The following PPP2R5A variants were observed in gnomAD, a reference collection of about 807,000 sequenced individuals.
PPP2R5A encodes serine/threonine-protein phosphatase 2A 56 kDa regulatory subunit alpha isoform.
A neutral mutation model predicts 64.2 loss-of-function variants in PPP2R5A; 25 were observed. The ratio of observed to expected loss-of-function variants is 0.39; its 90% CI spans 0.28 to 0.54. The LOEUF is 0.54. Among genes scored for constraint, PPP2R5A ranks in the 20% least tolerant of loss-of-function variants. The probability of loss-of-function intolerance (pLI) is 0.67; values close to 1 mark genes in which losing one functional copy is unlikely to be tolerated. For synonymous variants in PPP2R5A, 198 were observed against 201.2 expected (o/e 0.98, Z 0.13); for missense variants, 425 against 576.3 (o/e 0.74, Z 2.69).
chr1:212,309,805 G>A (rs113237134), intron 1 of PPP2R5A, among the ~76,000 whole-genome samples: 13,845 of 151,880 alleles, frequency 0.091, 2,058 homozygotes, highest in African/African-American at 0.31. Context: ...TAACACTAAC[G>A]ATAGCTGACG....
At chr1:212,322,265 G>GGAGGGAGAGGTAGAGGGAGAGGAGGGA (rs1659319260) in intron 1 of PPP2R5A, among the ~76,000 whole-genome samples, 1 of 85,280 alleles carries the variant, frequency 1.2e-5, no homozygotes, top group Non-Finnish European at 2.3e-5. Context: ...GAGAGGGAGA[G>GGAGGGAGAGGTAGAGGGAGAGGAGGGA]GAGGGAGAGG....
In PPP2R5A at chr1:212,343,552, G is replaced by T. The variant is rs536517721; in HGVS notation, c.573+1272G>T. ...CTGTTGCTGTGAAGGATTGATAAATGAAGAACATTGTCAGCCTAAAATATT... is the reference window on the plus strand; with the variant it reads ...CTGTTGCTGTGAAGGATTGATAAATTAAGAACATTGTCAGCCTAAAATATT... On this transcript the variant is annotated intron_variant, in intron 4 of 12. Transcript: ENST00000261461. Among the ~76,000 whole-genome samples the T allele has an allele frequency of 2.0e-5, 3 of 152,308 alleles. No individual in the cohort carries two copies. In the East Asian group the frequency reaches 5.8e-4, roughly 29 times the overall value.
chr1:212,337,152 TGTAGTATTACATG>T (rs1400372707), intron 3 of PPP2R5A, among the ~76,000 whole-genome samples: 1 of 152,210 alleles, frequency 6.6e-6, no homozygotes, highest in African/African-American at 2.4e-5. Flanking sequence ...ATTTATTAAG[TGTAGTATTACATG>T]GTAACTTAAT....
chr1:212,296,216 G>A (rs1175401299), intron 1 of PPP2R5A, among the ~76,000 whole-genome samples: 1 of 152,026 alleles, frequency 6.6e-6, no homozygotes, highest in Non-Finnish European at 1.5e-5. Flanking sequence ...ACCGAGAAAG[G>A]AGTACACTGG....
intron 3 of PPP2R5A, among the ~76,000 whole-genome samples, chr1:212,337,106 G>A (rs1659604309): frequency 6.6e-6 from 1 of 152,166 alleles, no homozygotes; most frequent in Non-Finnish European, 1.5e-5. Flanking sequence ...CACAAGGAAG[G>A]TCATTTCAGT....
intron 2 of PPP2R5A, among the ~76,000 whole-genome samples, chr1:212,332,688 G>A (rs1003889509): frequency 6.6e-6 from 1 of 152,036 alleles, no homozygotes; most frequent in Non-Finnish European, 1.5e-5. Flanking sequence ...CTCTTCCTTA[G>A]TGTGGTATGT....
intron 8 of PPP2R5A, among the ~76,000 whole-genome samples, chr1:212,354,035 T>C (rs973533814): frequency 6.6e-6 from 1 of 151,848 alleles, no homozygotes; most frequent in Non-Finnish European, 1.5e-5. Context: ...ATACAAAAAA[T>C]TAGCTGAGCC....
At chr1:212,298,668 A>G (rs1175338124) in intron 1 of PPP2R5A, among the ~76,000 whole-genome samples, 1 of 3,138 alleles carries the variant, frequency 3.2e-4, no homozygotes, top group Non-Finnish European at 6.2e-4. Flanking sequence ...GGCGCCCCTC[A>G]CCTCCCGGAC....
intron 8 of PPP2R5A, 146 bp from the exon 9 acceptor site, chr1:212,356,480 C>A: frequency 4.3e-6 from 3 of 704,910 alleles, no homozygotes; most frequent in Non-Finnish European, 6.6e-6. Context: ...AATTCTAAAG[C>A]TGAGCAGAAA....
chr1:212,313,020 C>T (rs986987489), intron 1 of PPP2R5A, among the ~76,000 whole-genome samples: 3 of 152,188 alleles, frequency 2.0e-5, no homozygotes, highest in African/African-American at 7.2e-5. Flanking sequence ...TAGTTGCCTT[C>T]TGTTTAGTAC....
rs180899081 is a variant in PPP2R5A, at chr1:212,290,884, T to A, written c.181+4593T>A. ...GCCATTTTCACCTGCAAGAATAACA[T>A]TTTTCTCTTGATAAAATAACAAAGA... is the stretch of plus-strand genomic sequence containing the variant. On this transcript the variant is annotated intron_variant, in intron 1 of 12. Coordinates refer to ENST00000261461, the MANE Select transcript of PPP2R5A (RefSeq NM_006243.4). Among the ~76,000 whole-genome samples, 70 of 152,330 alleles carry A rather than the reference T, an allele frequency of 4.6e-4. 1 individual carries two copies. Among genetic ancestry groups the A allele is most frequent in the African/African-American group, 1.6e-3 (67 of 41,584 alleles).
At chr1:212,293,910 TAATA>T (rs1439117276) in intron 1 of PPP2R5A, among the ~76,000 whole-genome samples, 6 of 152,226 alleles carry the variant, frequency 3.9e-5, no homozygotes, top group African/African-American at 1.4e-4. Context: ...CTTGTTATTC[TAATA>T]AATATCTTGC....
intron 7 of PPP2R5A, among the ~76,000 whole-genome samples, 195 bp from the exon 8 acceptor site, chr1:212,348,994 A>G (rs1659830265): frequency 6.6e-6 from 1 of 152,194 alleles, no homozygotes; most frequent in Admixed American, 6.5e-5. Context: ...TTTCAAGGCT[A>G]AAAAGTTACA....
intron 2 of PPP2R5A, 127 bp downstream of exon 2, chr1:212,329,458 T>A (rs1331280099): frequency 5.1e-6 from 4 of 788,844 alleles, no homozygotes; most frequent in Non-Finnish European, 7.7e-6. Context: ...AGAAAATAGT[T>A]CATACCCCAT....
intron 5 of PPP2R5A, among the ~76,000 whole-genome samples, chr1:212,346,771 C>T (rs1659783353): frequency 6.6e-6 from 1 of 152,122 alleles, no homozygotes; most frequent in African/African-American, 2.4e-5. Flanking sequence ...GGTTACTATT[C>T]CCACATTGCA....
intron 12 of PPP2R5A, among the ~76,000 whole-genome samples, chr1:212,360,245 T>C (rs1489532184): frequency 2.0e-5 from 3 of 152,178 alleles, no homozygotes; most frequent in Admixed American, 2.0e-4. Flanking sequence ...CTGTCTGGTG[T>C]GGTGAAGGAA....
At chr1:212,312,975 CATAA>C (rs1167757432) in intron 1 of PPP2R5A, among the ~76,000 whole-genome samples, 6 of 152,200 alleles carry the variant, frequency 3.9e-5, no homozygotes, top group Non-Finnish European at 8.8e-5. Flanking sequence ...ATCACTTCAA[CATAA>C]ATAGAGAAAA....
chr1:212,331,184 A>T (rs997479545), intron 2 of PPP2R5A, among the ~76,000 whole-genome samples: 2 of 150,620 alleles, frequency 1.3e-5, no homozygotes, highest in Non-Finnish European at 3.0e-5. Context: ...AAAAAAAAAA[A>T]AGAGAGTGTC....
At chr1:212,290,508 G>C (rs1658580670) in intron 1 of PPP2R5A, among the ~76,000 whole-genome samples, 1 of 152,130 alleles carries the variant, frequency 6.6e-6, no homozygotes, top group African/African-American at 2.4e-5. Context: ...TCTTCTGGAA[G>C]ATTTATTTTT....
Sources: allele counts gnomAD v4.1 joint callset (sites outside exome capture counted in the v4.1 genomes callset), GRCh38; gene constraint gnomAD v4.1.1; transcripts MANE v1.5; gene names NCBI Gene and HGNC (gene_info 2026-07-23, HGNC 2026-07-21).